Variants in ADSL observed in about 807,000 individuals in gnomAD.
The protein encoded by ADSL is adenylosuccinate lyase.
In ADSL, 44 loss-of-function variants were observed where a neutral mutation model predicts 62.1. The ratio of observed to expected loss-of-function variants is 0.71; its 90% CI spans 0.56 to 0.91. The LOEUF is 0.91. Ranked by LOEUF, ADSL falls within the 40% of genes least tolerant of loss-of-function variation. The probability of loss-of-function intolerance (pLI) is 0.00; values close to 1 mark genes in which losing one functional copy is unlikely to be tolerated. For synonymous variants in ADSL, 198 were observed against 220.5 expected (o/e 0.90, Z 0.90); for missense variants, 531 against 627.4 (o/e 0.85, Z 1.64).
At position 40,363,075 on chromosome 22, in the gene ADSL, A is replaced by G; in HGVS notation, c.1101+4A>G. On this transcript the variant is annotated splice_donor_region_variant and intron_variant, in intron 10 of 12. Transcript: ENST00000623063. ...AGGATTGGTCGTGTACCCCAAAGTA[A>G]GAAGCCTCAATTCAAAAGTAAAGTA... 1 of 1,613,010 alleles carries G rather than the reference A, an allele frequency of 6.2e-7. No homozygotes were observed. Among genetic ancestry groups the G allele is most frequent in the Non-Finnish European group, 8.5e-7 (1 of 1,178,988 alleles).
At chr22:40,373,643 G>A (rs1209602568), downstream of ADSL, 1 of 152,316 alleles carries the variant, frequency 6.6e-6, no homozygotes, top group East Asian at 1.9e-4. Flanking sequence ...TTGAGACATA[G>A]TCTCACTCTG....
At chr22:40,382,839 A>G (rs1267242555) in intron 2 of ADSL, among the ~76,000 whole-genome samples, 2 of 152,222 alleles carry the variant, frequency 1.3e-5, no homozygotes, top group Admixed American at 1.3e-4. Context: ...GGTACCTATT[A>G]TCCTAATTTT....
At chr22:40,363,318 T>G (rs1389593750) in intron 10 of ADSL, among the ~76,000 whole-genome samples, 1 of 152,212 alleles carries the variant, frequency 6.6e-6, no homozygotes, top group African/African-American at 2.4e-5. Flanking sequence ...TCAGCTCTGG[T>G]GTGACTAGGC....
At position 40,361,350 on chromosome 22, in the gene ADSL, C is replaced by T. The variant is rs2044780551; in HGVS notation, c.862+8C>T. The T allele has an allele frequency of 1.2e-6, 2 of 1,614,022 alleles. No individual in the cohort carries two copies. The highest frequency in any genetic ancestry group is 1.3e-5 in the African/African-American group (1 of 75,042). On this transcript the variant is annotated splice_region_variant and intron_variant, in intron 8 of 12. Coordinates refer to ENST00000623063, the MANE Select transcript of ADSL (RefSeq NM_000026.4). ...TTGAAAAACAGCAGATTGGTGAGTGCTGTGTAGAGACCTGTGAGCACACAT... is the reference window on the plus strand; with the variant it reads ...TTGAAAAACAGCAGATTGGTGAGTGTTGTGTAGAGACCTGTGAGCACACAT...
Position 40,356,490 on chromosome 22 carries a change from G to C in ADSL, c.482+2163G>C, listed in dbSNP as rs543014031. 6.0e-5 allele frequency among the ~76,000 whole-genome samples: 9 copies of C among 149,102 alleles called. No homozygotes were observed. In the South Asian group the frequency reaches 1.9e-3, roughly 32 times the overall value. On this transcript the variant is annotated intron_variant, in intron 4 of 12. Coordinates refer to ENST00000623063, the MANE Select transcript of ADSL (RefSeq NM_000026.4). ...GCAGAGGTTGCAGTGAGCCAAGATC[G>C]CGCCGCTGCACTCCAGCCTGGGCGA...
intron 4 of ADSL, among the ~76,000 whole-genome samples, chr22:40,358,107 G>A (rs561210949): frequency 4.6e-4 from 70 of 152,082 alleles, no homozygotes; most frequent in African/African-American, 1.5e-3. Flanking sequence ...TTTTTTACTC[G>A]TTTACAATGT....
At chr22:40,353,306 TCTC>T in intron 3 of ADSL, 189 bp downstream of exon 3, 1 of 705,968 alleles carries the variant, frequency 1.4e-6, no homozygotes, top group Non-Finnish European at 2.6e-6. Context: ...TCTTCCTCCT[TCTC>T]CTTTCTTCTT....
At chr22:40,354,109 A>G (rs2044457650) in intron 3 of ADSL, 139 bp from the exon 4 acceptor site, 11 of 845,950 alleles carry the variant, frequency 1.3e-5, no homozygotes, top group Non-Finnish European at 2.0e-5. Flanking sequence ...TTAGGGTACA[A>G]AGATGGAAGG....
chr22:40,352,780 T>C (rs188869288), intron 2 of ADSL, among the ~76,000 whole-genome samples: 11 of 152,338 alleles, frequency 7.2e-5, no homozygotes, highest in African/African-American at 2.6e-4. Context: ...AATACAGGCA[T>C]GCGCCACCAT....
intron 2 of ADSL, among the ~76,000 whole-genome samples, chr22:40,350,660 C>T (rs931380937): frequency 7.2e-5 from 11 of 151,932 alleles, no homozygotes; most frequent in Admixed American, 2.6e-4. Context: ...GCTCTGTCAC[C>T]CAGGCGGGAG....
intron 2 of ADSL, among the ~76,000 whole-genome samples, chr22:40,383,776 T>C (rs2047971140): frequency 6.6e-6 from 1 of 152,246 alleles, no homozygotes; most frequent in Admixed American, 6.5e-5. Context: ...ACCTACTCTT[T>C]GTTTAACATA....
intron 2 of ADSL, among the ~76,000 whole-genome samples, chr22:40,381,911 A>G (rs1239453282): frequency 2.0e-5 from 3 of 152,186 alleles, no homozygotes; most frequent in Non-Finnish European, 2.9e-5. Flanking sequence ...GTGAGCCAAG[A>G]TTCGCGCCAC....
At position 40,363,638 on chromosome 22, in the gene ADSL, A is replaced by C. The variant is rs1264960070; in HGVS notation, c.1101+567A>C. Among the ~76,000 whole-genome samples, 15 of 151,610 alleles carry C rather than the reference A, an allele frequency of 9.9e-5. No individual in the cohort carries two copies. The East Asian group carries it at 2.9e-3, about 29-fold the overall frequency. ...GTAATCCGAGCTACTCGGGAGACTG[A>C]GGCAGGAAAATTGCTTGAACCCAGG... On this transcript the variant is annotated intron_variant, in intron 10 of 12. Coordinates refer to ENST00000623063, the MANE Select transcript of ADSL (RefSeq NM_000026.4).
chr22:40,366,291 A>G, intron 12 of ADSL, 145 bp from the exon 13 acceptor site: 1 of 679,402 alleles, frequency 1.5e-6, no homozygotes, highest in South Asian at 1.6e-5. Context: ...GAAATTCCTG[A>G]TAGGCAGTTG....
chr22:40,379,370 C>G (rs2047191548), intron 2 of ADSL: 1 of 152,632 alleles, frequency 6.6e-6, no homozygotes, highest in African/African-American at 2.4e-5. Flanking sequence ...TGTTGCTTCC[C>G]TTACTCGCTG....
intron 4 of ADSL, among the ~76,000 whole-genome samples, chr22:40,356,032 C>CAA (rs1212379585): frequency 4.3e-4 from 24 of 55,320 alleles, no homozygotes; most frequent in South Asian, 5.6e-4. Context: ...ACTAAAAATA[C>CAA]AAAAAAAAAA....
chr22:40,361,102 A>G (rs1171359897), intron 7 of ADSL, 171 bp from the exon 8 acceptor site: 2 of 744,674 alleles, frequency 2.7e-6, no homozygotes, highest in East Asian at 2.5e-5. Flanking sequence ...TCGGGAACAG[A>G]GAGGAGTCGG....
downstream of ADSL, chr22:40,369,421 G>GTA (rs930545144): frequency 1.4e-5 from 2 of 144,000 alleles, no homozygotes; most frequent in African/African-American, 5.4e-5. Flanking sequence ...GTACATTTAT[G>GTA]TATATATATA....
At chr22:40,366,091 G>A (rs998650652) in intron 12 of ADSL, among the ~76,000 whole-genome samples, 4 of 152,000 alleles carry the variant, frequency 2.6e-5, no homozygotes, top group African/African-American at 7.3e-5. Flanking sequence ...GACACAGACC[G>A]GGGAGGGAGA....
Sources: gnomAD v4.1 joint callset for allele counts (sites outside exome capture counted in the v4.1 genomes callset) on GRCh38, gnomAD v4.1.1 for gene constraint, MANE v1.5 for transcripts, NCBI Gene and HGNC (gene_info 2026-07-23, HGNC 2026-07-21) for gene names.